NOS1AP: variants seen among roughly 807,000 people sequenced by gnomAD.
The protein encoded by NOS1AP is nitric oxide synthase 1 adaptor protein.
NOS1AP carries 21 observed loss-of-function variants against 56.2 expected under a neutral mutation model. That is an observed-to-expected ratio of 0.37 (90% confidence interval 0.26 to 0.54). NOS1AP has a LOEUF of 0.54. Ranked by LOEUF, NOS1AP falls within the 20% of genes least tolerant of loss-of-function variation. The pLI is 0.84. For synonymous variants in NOS1AP, 270 were observed against 274.6 expected (o/e 0.98, Z 0.17); for missense variants, 522 against 657.8 (o/e 0.79, Z 2.26).
At chr1:162,320,375 G>A (rs1418440622) in intron 4 of NOS1AP, among the ~76,000 whole-genome samples, 3 of 152,196 alleles carry the variant, frequency 2.0e-5, no homozygotes, top group Non-Finnish European at 2.9e-5. Context: ...ACAAACCTTT[G>A]TTGATGATTA....
intron 1 of NOS1AP, 85 bp downstream of exon 1, chr1:162,070,367 C>T: frequency 8.5e-7 from 1 of 1,182,602 alleles, no homozygotes; most frequent in South Asian, 1.2e-5. Flanking sequence ...CCGTCCTGGA[C>T]CCAGAGCTGG....
intron 5 of NOS1AP, among the ~76,000 whole-genome samples, chr1:162,339,543 CTGTATGTCGTCA>C (rs1166294115): frequency 1.3e-5 from 2 of 152,182 alleles, no homozygotes; most frequent in African/African-American, 4.8e-5. Flanking sequence ...CTCCAAAGGC[CTGTATGTCGTCA>C]TGAGGTGGGA....
Position 162,070,219 on chromosome 1 carries a change from C to G in NOS1AP, c.42C>G (p.His14Gln). 1 of 1,614,018 alleles carries G rather than the reference C, an allele frequency of 6.2e-7. No individual in the cohort carries two copies. Among genetic ancestry groups the G allele is most frequent in the Non-Finnish European group, 8.5e-7 (1 of 1,179,924 alleles). Reference protein sequence around the residue: ...KTKYNLVDDGHDLRIPLHNED... With the variant: ...KTKYNLVDDGQDLRIPLHNED... The stretch of plus-strand genomic sequence containing the variant: ...AGTACAACCTTGTGGACGATGGGCA[C>G]GACCTGCGGATCCCCTTGCACAACG... Residue 14 changes from histidine to glutamine, a missense_variant, in exon 1 of 10, where the codon CAC (histidine) becomes CAG (glutamine). This residue lies in a region of NOS1AP where 132 missense variants were observed against 218.1 expected (regional missense o/e 0.61). Transcript: ENST00000361897.
intron 4 of NOS1AP, among the ~76,000 whole-genome samples, chr1:162,327,570 A>C (rs771512089): frequency 6.6e-6 from 1 of 152,216 alleles, no homozygotes; most frequent in Non-Finnish European, 1.5e-5. Flanking sequence ...ATGAACACTG[A>C]GAGCTAGTCC....
chr1:162,090,737 T>C (rs946110515), intron 1 of NOS1AP, among the ~76,000 whole-genome samples: 1 of 152,068 alleles, frequency 6.6e-6, no homozygotes, highest in Non-Finnish European at 1.5e-5. Context: ...AGTTTTCTTT[T>C]TTTACTTTGC....
intron 4 of NOS1AP, among the ~76,000 whole-genome samples, chr1:162,318,590 T>G (rs965522854): frequency 6.6e-6 from 1 of 152,134 alleles, no homozygotes; most frequent in Non-Finnish European, 1.5e-5. Context: ...CTCCTCCTAT[T>G]ACGCCCTCCA....
At chr1:162,096,597 T>C (rs1235313686) in intron 1 of NOS1AP, among the ~76,000 whole-genome samples, 2 of 151,974 alleles carry the variant, frequency 1.3e-5, no homozygotes, top group African/African-American at 4.8e-5. Flanking sequence ...ATTTATTTTA[T>C]TTTCCCCATA....
intron 2 of NOS1AP, among the ~76,000 whole-genome samples, chr1:162,168,441 T>C (rs1342039395): frequency 1.3e-5 from 2 of 152,334 alleles, no homozygotes; most frequent in Admixed American, 6.5e-5. Context: ...TGTTTCTCTT[T>C]GGTCCTCAGC....
chr1:162,176,924 A>G (rs1395246555), intron 2 of NOS1AP, among the ~76,000 whole-genome samples: 4 of 152,214 alleles, frequency 2.6e-5, no homozygotes, highest in Admixed American at 6.5e-5. Flanking sequence ...ATAGCGATTC[A>G]TATGCAGTCT....
chr1:162,112,499 T>G (rs187252364), intron 1 of NOS1AP, among the ~76,000 whole-genome samples: 8 of 152,334 alleles, frequency 5.3e-5, no homozygotes. Context: ...TTGAAGGGAT[T>G]AGACCAATGG....
intron 2 of NOS1AP, among the ~76,000 whole-genome samples, chr1:162,247,862 A>C (rs1653717333): frequency 6.6e-6 from 1 of 152,312 alleles, no homozygotes; most frequent in South Asian, 2.1e-4. Flanking sequence ...ATGAGAAAGA[A>C]GGCTGTGAGG....
chr1:162,103,303 ATTAT>A (rs950807758), intron 1 of NOS1AP, among the ~76,000 whole-genome samples: 1 of 151,246 alleles, frequency 6.6e-6, no homozygotes, highest in Non-Finnish European at 1.5e-5. Flanking sequence ...AGAGACTGTT[ATTAT>A]TTCAGTTTTT....
At chr1:162,355,638 C>T (rs1165542147) in intron 7 of NOS1AP, among the ~76,000 whole-genome samples, 1 of 152,150 alleles carries the variant, frequency 6.6e-6, no homozygotes, top group African/African-American at 2.4e-5. Flanking sequence ...CTTCCCTTAA[C>T]AGCATCTCAT....
chr1:162,276,595 G>A (rs1211455682), intron 2 of NOS1AP, among the ~76,000 whole-genome samples: 1 of 151,922 alleles, frequency 6.6e-6, no homozygotes, highest in Non-Finnish European at 1.5e-5. Flanking sequence ...CTGGGGGTGG[G>A]ATCCAGACAC....
rs180887603 is a variant in NOS1AP at position 162,154,604 on chromosome 1, G to C, written c.177+128G>C. The C allele has an allele frequency of 1.1e-3, 765 of 723,172 alleles. 4 individuals carry two copies. Among genetic ancestry groups the C allele is most frequent in the Middle Eastern group, 8.8e-3 (31 of 3,506 alleles). 44.8% of individuals were successfully genotyped at this position (723,172 alleles called of 1,614,324 possible). ...TTGCAAACCCAAACTCCTCCTCTCT[G>C]TACCCTCTAGGTAGCTGTTCTGAAT... On this transcript the variant is annotated intron_variant, in intron 2 of 9. Transcript: ENST00000361897.
At chr1:162,189,345 G>A (rs1419514826) in intron 2 of NOS1AP, among the ~76,000 whole-genome samples, 3 of 152,130 alleles carry the variant, frequency 2.0e-5, no homozygotes, top group African/African-American at 4.8e-5. Flanking sequence ...ATTTAGTTCT[G>A]CTAATTATTT....
At chr1:162,301,184 C>A (rs957071377) in intron 4 of NOS1AP, among the ~76,000 whole-genome samples, 2 of 152,166 alleles carry the variant, frequency 1.3e-5, no homozygotes, top group African/African-American at 4.8e-5. Flanking sequence ...ATGCTTTTGT[C>A]TCCCCAAAAT....
At chr1:162,354,812 C>T (rs936454328) in intron 6 of NOS1AP, among the ~76,000 whole-genome samples, 1 of 152,240 alleles carries the variant, frequency 6.6e-6, no homozygotes, top group Admixed American at 6.5e-5. Flanking sequence ...CCAACCTCCT[C>T]ATTTCTGGAC....
rs138956382 is a variant in NOS1AP, at chr1:162,327,923, T to C, written c.345-5094T>C. ...GCAACTTAACATGTGTTGGGCATTG[T>C]GTAAAATGTGGTATGTGTGTTTTAA... On this transcript the variant is annotated intron_variant, in intron 4 of 9. Transcript: ENST00000361897. Among the ~76,000 whole-genome samples the C allele has an allele frequency of 2.6e-4, 40 of 152,346 alleles. No individual in the cohort carries two copies. The East Asian group carries it at 5.6e-3, about 21-fold the overall frequency.
Sources: allele counts gnomAD v4.1 joint callset (sites outside exome capture counted in the v4.1 genomes callset), GRCh38; gene constraint gnomAD v4.1.1; regional missense constraint gnomAD v4.1.1; transcripts MANE v1.5; gene names NCBI Gene and HGNC (gene_info 2026-07-23, HGNC 2026-07-21).